BAAT: variants seen among roughly 807,000 people sequenced by gnomAD.
BAAT encodes the protein bile acid CoA: amino acid N-acyltransferase (glycine N-choloyltransferase).
BAAT carries 13 observed loss-of-function variants against 18.9 expected under a neutral mutation model. The ratio of observed to expected loss-of-function variants is 0.69; its 90% CI spans 0.45 to 1.10. The LOEUF (loss-of-function observed/expected upper bound fraction) is 1.10. Ranked by LOEUF, BAAT falls within the 50% of genes least tolerant of loss-of-function variation. The pLI, the probability that BAAT is intolerant of heterozygous loss-of-function variation, is 0.00. For missense variants in BAAT, 489 were observed against 504.0 expected (o/e 0.97, Z 0.28); for synonymous variants, 170 against 190.7 (o/e 0.89, Z 0.89).
intron 1 of BAAT, among the ~76,000 whole-genome samples, chr9:101,383,744 T>A (rs375239382): frequency 5.3e-5 from 8 of 152,234 alleles, no homozygotes; most frequent in African/African-American, 1.4e-4. Context: ...TTTACTCACA[T>A]TATTTTAATA....
At chr9:101,364,727 G>T (rs976630989) in intron 3 of BAAT, among the ~76,000 whole-genome samples, 1 of 152,152 alleles carries the variant, frequency 6.6e-6, no homozygotes, top group South Asian at 2.1e-4. Flanking sequence ...GCATAGCTTT[G>T]AAAGATATAT....
intron 3 of BAAT, among the ~76,000 whole-genome samples, chr9:101,367,116 G>GAAAAA (rs66591298): frequency 1.0e-5 from 1 of 99,676 alleles, no homozygotes; most frequent in African/African-American, 4.1e-5. Context: ...GTCAAAAAAA[G>GAAAAA]AAAAAAAAAA....
Position 101,368,252 on chromosome 9 carries a change from G to A in BAAT, c.537C>T (p.Ser179=). 1.2e-6 allele frequency: 2 copies of A among 1,613,722 alleles called. No individual in the cohort carries two copies. The highest frequency in any genetic ancestry group is 1.7e-6 in the Non-Finnish European group (2 of 1,179,998). Residue 179 remains serine (S), a synonymous_variant, in exon 3 of 4, where the codon AGC becomes AGT. Coordinates refer to ENST00000259407, the MANE Select transcript of BAAT (RefSeq NM_001701.4). The stretch of plus-strand genomic sequence containing the variant: ...AGGCGAAGCCACGACTGGCTAGGAG[G>A]CTGGCCCGAAATTCAAGCAGCCCAC... The part of the protein sequence containing the change: ...GLGGLLEFRA[S]LLASRGFASL...
Position 101,362,229 on chromosome 9 carries a change from T to A in BAAT, c.*199A>T, listed in dbSNP as rs151035029. ...TAAGTAAAATGATTTGTTTTATGAT[T>A]TATTCACCATGTCCAGTTTGGTTAG... On this transcript the variant is annotated 3_prime_UTR_variant, in exon 4 of 4. Transcript: ENST00000259407. The A allele has an allele frequency of 5.1e-5, 32 of 630,140 alleles. No individual in the cohort carries two copies. Among genetic ancestry groups the A allele is most frequent in the Non-Finnish European group, 8.5e-5 (31 of 363,354 alleles). The allele number at this position is 630,140 out of a possible 1,614,324, so 39.0% of individuals were successfully genotyped here. A position where few individuals can be genotyped will look rare whatever the true frequency, so the allele number is the denominator to read the frequency against.
At chr9:101,363,545 C>T (rs1207982264) in intron 3 of BAAT, among the ~76,000 whole-genome samples, 18 of 151,884 alleles carry the variant, frequency 1.2e-4, no homozygotes, top group Non-Finnish European at 1.9e-4. Flanking sequence ...AATAAGCATC[C>T]TTAAATTATC....
intron 3 of BAAT, among the ~76,000 whole-genome samples, chr9:101,366,200 A>G (rs1829823985): frequency 6.6e-6 from 1 of 152,130 alleles, no homozygotes; most frequent in Non-Finnish European, 1.5e-5. Flanking sequence ...ATGGGAACTC[A>G]GAGTGGATTT....
At chr9:101,375,668 A>C (rs1830027420) in intron 1 of BAAT, 1 of 155,992 alleles carries the variant, frequency 6.4e-6, no homozygotes. Context: ...GAAAAACTCC[A>C]ACCGCGGGCG....
Position 101,362,371 on chromosome 9 carries a change from A to G in BAAT, c.*57T>C. The stretch of plus-strand genomic sequence containing the variant: ...GGGAGACATTCCGCCATGAAAATTG[A>G]GAGAAGGTCCCGGTAAAGAGATTTG... On this transcript the variant is annotated 3_prime_UTR_variant, in exon 4 of 4. Coordinates refer to ENST00000259407, the MANE Select transcript of BAAT (RefSeq NM_001701.4). The G allele has an allele frequency of 6.4e-7, 1 of 1,552,998 alleles. No individual in the cohort carries two copies. The highest frequency in any genetic ancestry group is 8.8e-7 in the Non-Finnish European group (1 of 1,130,390).
chr9:101,379,453 G>A (rs1273250004), intron 1 of BAAT, among the ~76,000 whole-genome samples: 1 of 152,142 alleles, frequency 6.6e-6, no homozygotes, highest in African/African-American at 2.4e-5. Flanking sequence ...TTATTTAAAA[G>A]TTCCAAAAAA....
chr9:101,384,319 A>C lies in BAAT; in HGVS notation c.-60+536T>G, dbSNP rs571460212. ...TCAGGTGAATATGAGAAAAAGTCTTAAACAGGTACTTAACAGACAATAGGA... is the reference window on the plus strand; with the variant it reads ...TCAGGTGAATATGAGAAAAAGTCTTCAACAGGTACTTAACAGACAATAGGA... On this transcript the variant is annotated intron_variant, in intron 1 of 3. Transcript: ENST00000259407. Among the ~76,000 whole-genome samples, 18 of 152,334 alleles carry C rather than the reference A, an allele frequency of 1.2e-4. No individual in the cohort carries two copies. In the South Asian group the frequency reaches 3.5e-3, roughly 30 times the overall value.
Position 101,368,223 on chromosome 9 carries a change from AAGGAGGCGAAGCCACGACTGGCT to A in BAAT, c.543_565del (p.Ala182GlyfsTer6), listed in dbSNP as rs1829866574. 2.0e-5 allele frequency: 32 copies of A among 1,613,960 alleles called. No homozygotes were observed. Among genetic ancestry groups the A allele is most frequent in the Non-Finnish European group, 2.6e-5 (31 of 1,180,006 alleles). On this transcript the variant is annotated frameshift_variant, in exon 3 of 4. Transcript: ENST00000259407. LOFTEE classifies it high-confidence loss of function. ...TTCATAGTTATGGTAAGCCAAGGCC[AAGGAGGCGAAGCCACGACTGGCT>A]AGGAGGCTGGCCCGAAATTCAAGCA...
rs879185133 is a variant in BAAT, at chr9:101,362,287, T to C, written c.*141A>G. The C allele has an allele frequency of 1.7e-5, 15 of 904,878 alleles. No homozygotes were observed. The highest frequency in any genetic ancestry group is 1.1e-4 in the South Asian group (7 of 62,882). The allele number at this position is 904,878 out of a possible 1,614,324, so 56.1% of individuals were successfully genotyped here. On this transcript the variant is annotated 3_prime_UTR_variant, in exon 4 of 4. Coordinates refer to ENST00000259407, the MANE Select transcript of BAAT (RefSeq NM_001701.4). ...TGCAGTATAAGTGAAATATCAGGTT[T>C]TTACCCTATGCTCTTTTTAATCATT... is the stretch of plus-strand genomic sequence containing the variant.
intron 3 of BAAT, among the ~76,000 whole-genome samples, chr9:101,364,427 A>G (rs1829792195): frequency 6.6e-6 from 1 of 152,172 alleles, no homozygotes; most frequent in South Asian, 2.1e-4. Flanking sequence ...TTGATTGAAA[A>G]CTACACTGAG....
At chr9:101,379,541 A>G (rs1418985132) in intron 1 of BAAT, among the ~76,000 whole-genome samples, 3 of 152,254 alleles carry the variant, frequency 2.0e-5, no homozygotes, top group Non-Finnish European at 4.4e-5. Flanking sequence ...AAGCATAATG[A>G]GACTAAAATT....
chr9:101,363,310 T>C (rs1251749217), intron 3 of BAAT, among the ~76,000 whole-genome samples: 2 of 152,208 alleles, frequency 1.3e-5, no homozygotes, highest in Admixed American at 6.6e-5. Context: ...GGCACATGAC[T>C]ATTGTGAATA....
intron 1 of BAAT, 153 bp from the exon 2 acceptor site, chr9:101,371,616 T>C (rs1829947061): frequency 8.3e-6 from 5 of 601,354 alleles, no homozygotes; most frequent in Non-Finnish European, 1.5e-5. Flanking sequence ...ACAAGACACC[T>C]GAGAGCTTTC....
rs1235473355 is a variant in BAAT at position 101,371,516 on chromosome 9, T to C, written c.-59-53A>G. The C allele has an allele frequency of 4.5e-6, 5 of 1,115,710 alleles. No individual in the cohort carries two copies. In the African/African-American group the frequency reaches 6.2e-5, roughly 14 times the overall value. 69.1% of individuals were successfully genotyped at this position (1,115,710 alleles called of 1,614,324 possible). ...AAAATAAAGTAGAGATAAGGGTTGATGAAAGGTGAATTGAATCAGCAGTCA... is the reference window on the plus strand; with the variant it reads ...AAAATAAAGTAGAGATAAGGGTTGACGAAAGGTGAATTGAATCAGCAGTCA... On this transcript the variant is annotated intron_variant, in intron 1 of 3. Transcript: ENST00000259407.
intron 1 of BAAT, among the ~76,000 whole-genome samples, chr9:101,383,892 AACTACAAATGTGAT>A (rs899686396): frequency 1.3e-5 from 2 of 152,194 alleles, no homozygotes; most frequent in Non-Finnish European, 2.9e-5. Flanking sequence ...AAAAGATGAA[AACTACAAATGTGAT>A]CACAGTAATG....
At position 101,362,711 on chromosome 9, in the gene BAAT, C is replaced by T; in HGVS notation, c.974G>A (p.Gly325Glu). Residue 325 changes from glycine to glutamate, a missense_variant, in exon 4 of 4, where the codon GGA becomes GAA. Transcript: ENST00000259407. ...GCTGTTGATAGTCTTATCACCTTCT[C>T]CTACAATGAAGAGGAATTGCCCCTG... Reference protein sequence around the residue: ...EAQGQFLFIVGEGDKTINSKA... With the variant: ...EAQGQFLFIVEEGDKTINSKA... The T allele has an allele frequency of 6.2e-7, 1 of 1,614,144 alleles. No individual in the cohort carries two copies. The highest frequency in any genetic ancestry group is 8.5e-7 in the Non-Finnish European group (1 of 1,180,022).
Sources: allele counts gnomAD v4.1 joint callset (sites outside exome capture counted in the v4.1 genomes callset), GRCh38; gene constraint gnomAD v4.1.1; transcripts MANE v1.5; gene names NCBI Gene and HGNC (gene_info 2026-07-23, HGNC 2026-07-21).